ATIC: variants seen among roughly 807,000 people sequenced by gnomAD.
The protein encoded by ATIC is 5-aminoimidazole-4-carboxamide ribonucleotide formyltransferase/IMP cyclohydrolase.
Under a neutral mutation model 72.5 loss-of-function variants are expected in ATIC, and 64 were observed. That is an observed-to-expected ratio of 0.88 (90% CI 0.72 to 1.09). ATIC has a LOEUF of 1.09. ATIC is among the 50% of genes least tolerant of loss of function. ATIC has a pLI of 0.00. For missense variants in ATIC, 787 were observed against 732.4 expected, an observed-to-expected ratio of 1.07 and a Z score of -0.86; for synonymous variants, 281 against 267.1, an observed-to-expected ratio of 1.05 and a Z score of -0.51.
intron 2 of ATIC, among the ~76,000 whole-genome samples, chr2:215,312,934 C>T (rs2052670578): frequency 1.3e-5 from 2 of 152,100 alleles, no homozygotes; most frequent in Non-Finnish European, 2.9e-5. Context: ...CCCGTCTCTA[C>T]TAAAAATACA....
At chr2:215,362,282 T>A in the ATIC span, 6 of 586,772 alleles carry the variant, frequency 1.0e-5, no homozygotes, top group Non-Finnish European at 1.2e-5. Flanking sequence ...TATACCTACA[T>A]CTGTCTCTCT....
chr2:215,318,720 G>A (rs757173674), intron 3 of ATIC, among the ~76,000 whole-genome samples: 1 of 152,126 alleles, frequency 6.6e-6, no homozygotes, highest in African/African-American at 2.4e-5. Flanking sequence ...GGTGAATAAA[G>A]CTGAATGGCT....
chr2:215,343,024 G>A (rs6740943), intron 12 of ATIC, among the ~76,000 whole-genome samples: 8,154 of 152,214 alleles, frequency 0.054, 625 homozygotes, highest in African/African-American at 0.17. Flanking sequence ...TTGTGGTATG[G>A]TAGTTGCATG....
chr2:215,342,878 C>A (rs2053034806), intron 12 of ATIC, among the ~76,000 whole-genome samples: 1 of 152,188 alleles, frequency 6.6e-6, no homozygotes, highest in Non-Finnish European at 1.5e-5. Context: ...CGGGGTTTCA[C>A]CATGTTGGTC....
chr2:215,358,980 T>C, the ATIC span, among the ~76,000 whole-genome samples: 5 of 152,212 alleles, frequency 3.3e-5, no homozygotes, highest in Non-Finnish European at 7.3e-5. Context: ...CCTCCTGGGT[T>C]CAAACGATTC....
intron 12 of ATIC, among the ~76,000 whole-genome samples, chr2:215,341,358 T>C (rs561923585): frequency 1.3e-3 from 196 of 152,332 alleles, no homozygotes; most frequent in African/African-American, 4.4e-3. Flanking sequence ...GAGTCTTTTT[T>C]CTAAGGTTTG....
At chr2:215,365,898 TG>T in the ATIC span, 1 of 185,460 alleles carries the variant, frequency 5.4e-6, no homozygotes, top group African/African-American at 2.4e-5. Context: ...CTCCATCTCC[TG>T]GGTTCATGCA....
At chr2:215,350,241 A>G (rs2053120051), downstream of ATIC, among the ~76,000 whole-genome samples, 2 of 152,108 alleles carry the variant, frequency 1.3e-5, no homozygotes, top group South Asian at 4.1e-4. Flanking sequence ...GGTTCAAGCG[A>G]TTCTCCTGCC....
intron 2 of ATIC, among the ~76,000 whole-genome samples, chr2:215,316,856 G>A (rs184078656): frequency 0.017 from 2,552 of 152,194 alleles, 75 homozygotes; most frequent in African/African-American, 0.059. Context: ...TCCGCCTCCC[G>A]GGTTCAAGCG....
chr2:215,332,584 G>A (rs1465420962), intron 8 of ATIC, 77 bp downstream of exon 8: 2 of 1,548,258 alleles, frequency 1.3e-6, no homozygotes, highest in Admixed American at 1.9e-5. Flanking sequence ...ATATTAACAA[G>A]TTCTAATGTG....
rs764874307 is a variant in ATIC, at chr2:215,349,529, C to G, written c.1660-7C>G. The G allele has an allele frequency of 1.2e-5, 19 of 1,613,968 alleles. No individual in the cohort carries two copies. The highest frequency in any genetic ancestry group is 3.3e-5 in the Admixed American group (2 of 60,004). ...TCGCGTTTTGAAAATCAATATACTT[C>G]CCCCAGAGTGGTGTGGCGTACATTG... On this transcript the variant is annotated splice_region_variant and splice_polypyrimidine_tract_variant and intron_variant, in intron 15 of 15. Coordinates refer to ENST00000236959, the MANE Select transcript of ATIC (RefSeq NM_004044.7).
the ATIC span, among the ~76,000 whole-genome samples, chr2:215,357,125 G>T: frequency 1.3e-5 from 2 of 152,184 alleles, no homozygotes; most frequent in Non-Finnish European, 2.9e-5. Context: ...ACTTGGCTCA[G>T]CATCTTACAT....
At chr2:215,327,069 A>T in intron 7 of ATIC, 91 bp downstream of exon 7, 1 of 1,583,494 alleles carries the variant, frequency 6.3e-7, no homozygotes, top group South Asian at 1.1e-5. Context: ...CATTCAGAAG[A>T]TGATACATTC....
chr2:215,349,568 T>G lies in ATIC; in HGVS notation c.1692T>G (p.Gly564=), dbSNP rs777688154. The change falls in exon 16 of 16, where the codon GGT becomes GGG. Residue 564 remains glycine, a synonymous_variant. Transcript: ENST00000236959. Reference sequence around the variant, plus strand: ...TGGCGTACATTGCGGCTCCCTCCGGTTCTGCTGCTGACAAAGTTGTGATTG... The same window carrying G: ...TGGCGTACATTGCGGCTCCCTCCGGGTCTGCTGCTGACAAAGTTGTGATTG... ...SGVAYIAAPS[G]SAADKVVIEA... is the part of the protein sequence containing the mutation. 1 of 1,614,164 alleles carries G rather than the reference T, an allele frequency of 6.2e-7. No individual in the cohort carries two copies. The highest frequency in any genetic ancestry group is 8.5e-7 in the Non-Finnish European group (1 of 1,180,024).
At chr2:215,353,995 T>G (rs185455086), downstream of ATIC, among the ~76,000 whole-genome samples, 69 of 152,152 alleles carry the variant, frequency 4.5e-4, no homozygotes, top group Non-Finnish European at 5.0e-4. Flanking sequence ...ATTTAAAATC[T>G]GATGTCAATC....
downstream of ATIC, among the ~76,000 whole-genome samples, chr2:215,352,058 C>T (rs537362514): frequency 1.3e-5 from 2 of 152,202 alleles, no homozygotes; most frequent in South Asian, 2.1e-4. Flanking sequence ...AACTTTCATG[C>T]CTAGAAGGGC....
Position 215,326,025 on chromosome 2 carries a change from G to T in ATIC, c.418G>T (p.Ala140Ser), listed in dbSNP as rs763367872. The change falls in exon 6 of 16, where the codon GCT (alanine) becomes TCT (serine). Residue 140 changes from alanine (A) to serine (S), a missense_variant. Transcript: ENST00000236959. ...ACTGAGAGCTGCAGCCAAAAACCAC[G>T]CTCGAGTGACAGTGGTGTGTGAACC... ...TLLRAAAKNH[A>S]RVTVVCEPED... 2 of 1,614,102 alleles carry T rather than the reference G, an allele frequency of 1.2e-6. No homozygotes were observed. Among genetic ancestry groups the T allele is most frequent in the Admixed American group, 3.3e-5 (2 of 60,018 alleles).
At chr2:215,330,132 C>T (rs1306389759) in intron 7 of ATIC, among the ~76,000 whole-genome samples, 1 of 152,186 alleles carries the variant, frequency 6.6e-6, no homozygotes, top group Non-Finnish European at 1.5e-5. Context: ...TAGCCTAAAC[C>T]ATCTATGAGG....
At chr2:215,357,298 A>G in the ATIC span, among the ~76,000 whole-genome samples, 1 of 152,182 alleles carries the variant, frequency 6.6e-6, no homozygotes, top group African/African-American at 2.4e-5. Flanking sequence ...TATCTTGCCT[A>G]AGGGAGCCTG....
Sources: gnomAD v4.1 joint callset for allele counts (sites outside exome capture counted in the v4.1 genomes callset) on GRCh38, gnomAD v4.1.1 for gene constraint, MANE v1.5 for transcripts, NCBI Gene and HGNC (gene_info 2026-07-23, HGNC 2026-07-21) for gene names.